ENTPD4: variants seen among roughly 807,000 people sequenced by gnomAD.
The protein encoded by ENTPD4 is Golgi UDPase.
A neutral mutation model predicts 79.1 loss-of-function variants in ENTPD4; 60 were observed. That is an observed-to-expected ratio of 0.76 (90% CI 0.62 to 0.94). ENTPD4 has a LOEUF of 0.94. Ranked by LOEUF, ENTPD4 falls within the 40% of genes least tolerant of loss-of-function variation. ENTPD4 has a pLI of 0.00. For missense variants in ENTPD4, 772 were observed against 775.1 expected (o/e 1.00, Z 0.05); for synonymous variants, 276 against 292.0 (o/e 0.95, Z 0.56).
intron 1 of ENTPD4, among the ~76,000 whole-genome samples, chr8:23,453,123 C>T (rs1800894900): frequency 6.6e-6 from 1 of 152,064 alleles, no homozygotes; most frequent in Admixed American, 6.6e-5. Context: ...AACATACACA[C>T]AAAGATATTA....
At chr8:23,437,577 G>C (rs1293777130) in intron 9 of ENTPD4, among the ~76,000 whole-genome samples, 2 of 152,202 alleles carry the variant, frequency 1.3e-5, no homozygotes, top group African/African-American at 4.8e-5. Flanking sequence ...TGTGTTACCA[G>C]CCCCATTTTT....
chr8:23,454,788 A>G (rs1229946911), intron 1 of ENTPD4, among the ~76,000 whole-genome samples: 1 of 152,244 alleles, frequency 6.6e-6, no homozygotes, highest in African/African-American at 2.4e-5. Flanking sequence ...CTTGTGTTTA[A>G]AAGCAGAGAA....
chr8:23,435,946 T>C (rs965798402), intron 10 of ENTPD4, among the ~76,000 whole-genome samples: 38 of 152,184 alleles, frequency 2.5e-4, no homozygotes, highest in African/African-American at 8.4e-4. Flanking sequence ...ATAACTTTTA[T>C]TGAGCATTGT....
In ENTPD4 at chr8:23,432,823, C is replaced by T. The variant is rs1375067414; in HGVS notation, c.*103G>A. On this transcript the variant is annotated 3_prime_UTR_variant, in exon 13 of 13. Transcript: ENST00000358689. ...TGCATTTTGTTTTTGTTTGGAGGAA[C>T]AAAAAAGGGAAAGAAAAAACAAAAC... The T allele has an allele frequency of 1.7e-5, 24 of 1,447,952 alleles. No individual in the cohort carries two copies. The East Asian group carries it at 5.2e-4, about 32-fold the overall frequency. 89.7% of individuals were successfully genotyped at this position (1,447,952 alleles called of 1,614,324 possible).
At chr8:23,450,105 T>C (rs888028156) in intron 1 of ENTPD4, 108 bp from the exon 2 acceptor site, 2 of 617,258 alleles carry the variant, frequency 3.2e-6, no homozygotes, top group Non-Finnish European at 2.9e-6. Flanking sequence ...TACATGATCC[T>C]TGCACTGAAG....
intron 10 of ENTPD4, among the ~76,000 whole-genome samples, 198 bp downstream of exon 10, chr8:23,436,736 T>A (rs1800568382): frequency 6.6e-6 from 1 of 152,152 alleles, no homozygotes; most frequent in African/African-American, 2.4e-5. Flanking sequence ...GGTGCAGAAG[T>A]CAGCGTACAG....
chr8:23,432,781 A>C lies in ENTPD4; in HGVS notation c.*145T>G. 1 of 1,432,562 alleles carries C rather than the reference A, an allele frequency of 7.0e-7. No homozygotes were observed. The allele number at this position is 1,432,562 out of a possible 1,614,324, so 88.7% of individuals were successfully genotyped here. On this transcript the variant is annotated 3_prime_UTR_variant, in exon 13 of 13. Transcript: ENST00000358689. ...CCAAAGTGCTGGGATTACAGGCGTG[A>C]GCCACCGCGCTCGGCCTGCATTTTG...
intron 1 of ENTPD4, among the ~76,000 whole-genome samples, chr8:23,451,902 T>C (rs1045469523): frequency 2.0e-5 from 3 of 152,242 alleles, no homozygotes; most frequent in South Asian, 2.1e-4. Context: ...CCTTCCCTGA[T>C]TGATCTTTTC....
chr8:23,432,986 C>T lies in ENTPD4; in HGVS notation c.1791G>A (p.Ser597=), dbSNP rs367984909. 3.3e-5 allele frequency: 53 copies of T among 1,613,648 alleles called. No individual in the cohort carries two copies. Among genetic ancestry groups the T allele is most frequent in the Middle Eastern group, 3.3e-4 (2 of 6,060 alleles). ...CCTCCTCCATCCAGAGGGCGGCGGCCGAGCTGCTCCGGGGAGTGCGCCTGT... is the reference window on the plus strand; with the variant it reads ...CCTCCTCCATCCAGAGGGCGGCGGCTGAGCTGCTCCGGGGAGTGCGCCTGT... ...RIHRRTPRSS[S]AAALWMEEGL... Residue 597 remains serine (S), a synonymous_variant, in exon 13 of 13, where the codon TCG becomes TCA. Coordinates refer to ENST00000358689, the MANE Select transcript of ENTPD4 (RefSeq NM_004901.5).
Position 23,432,819 on chromosome 8 carries a change from G to A in ENTPD4, c.*107C>T. ...GGCCTGCATTTTGTTTTTGTTTGGAGGAACAAAAAAGGGAAAGAAAAAACA... is the reference window on the plus strand; with the variant it reads ...GGCCTGCATTTTGTTTTTGTTTGGAAGAACAAAAAAGGGAAAGAAAAAACA... On this transcript the variant is annotated 3_prime_UTR_variant, in exon 13 of 13. Transcript: ENST00000358689. 6.9e-7 allele frequency: 1 copy of A among 1,447,274 alleles called. No homozygotes were observed. The highest frequency in any genetic ancestry group is 9.1e-7 in the Non-Finnish European group (1 of 1,101,322). The allele number at this position is 1,447,274 out of a possible 1,614,324, so 89.7% of individuals were successfully genotyped here.
In ENTPD4 at chr8:23,431,730, T is replaced by G; in HGVS notation, c.*1196A>C. ...ACACCAATTGGAAGCTGGAAGAAAC[T>G]GAGGCACGATTAAGCAGAAACACTG... On this transcript the variant is annotated 3_prime_UTR_variant, in exon 13 of 13. Transcript: ENST00000358689. The G allele has an allele frequency of 1.0e-6, 1 of 985,502 alleles. No homozygotes were observed. Among genetic ancestry groups the G allele is most frequent in the Non-Finnish European group, 1.2e-6 (1 of 830,030 alleles). 61.0% of individuals were successfully genotyped at this position (985,502 alleles called of 1,614,324 possible). A position where few individuals can be genotyped will look rare whatever the true frequency, so the allele number is the denominator to read the frequency against.
intron 1 of ENTPD4, among the ~76,000 whole-genome samples, chr8:23,452,914 T>C (rs979379986): frequency 4.6e-5 from 7 of 152,220 alleles, no homozygotes; most frequent in Admixed American, 4.6e-4. Context: ...ATACGTGTGG[T>C]TGGCTTCCTC....
rs2272641 is a variant in ENTPD4 at position 23,437,248 on chromosome 8, T to C, written c.1060A>G (p.Lys354Glu). 126,882 of 1,591,938 alleles carry C rather than the reference T, an allele frequency of 0.08. 7,433 individuals are homozygous for C. Among genetic ancestry groups the C allele is most frequent in the East Asian group, 0.28 (12,329 of 44,626 alleles). ...ATATCAGGAGTCAGACCAGTCTGTT[T>C]ACCCAGGAGCCTATGGCAAAACAAG... is the stretch of plus-strand genomic sequence containing the variant. ...NTIQKNRLLG[K>E]QTGLTPDMPY... The change falls in exon 10 of 13, where the codon AAA becomes GAA. Residue 354 changes from lysine (K) to glutamate (E), a missense_variant. Physicochemically the swap from Lys to Glu is moderately conservative, Grantham distance 56. Coordinates refer to ENST00000358689, the MANE Select transcript of ENTPD4 (RefSeq NM_004901.5).
At chr8:23,440,427 G>C (rs1800648106) in intron 8 of ENTPD4, among the ~76,000 whole-genome samples, 3 of 151,980 alleles carry the variant, frequency 2.0e-5, no homozygotes, top group Admixed American at 2.0e-4. Context: ...GAAAAAAAAA[G>C]AAATTCACTA....
chr8:23,451,978 A>T (rs1800870361), intron 1 of ENTPD4, among the ~76,000 whole-genome samples: 1 of 152,184 alleles, frequency 6.6e-6, no homozygotes, highest in Non-Finnish European at 1.5e-5. Context: ...CCTTGTTCCA[A>T]ACATTGTACA....
intron 8 of ENTPD4, 140 bp downstream of exon 8, chr8:23,441,429 C>T: frequency 6.8e-7 from 1 of 1,473,566 alleles, no homozygotes; most frequent in Non-Finnish European, 9.0e-7. Flanking sequence ...TTCGTCCTGT[C>T]TCCTTTCTCC....
intron 10 of ENTPD4, among the ~76,000 whole-genome samples, chr8:23,435,839 A>G (rs1343450360): frequency 6.6e-6 from 1 of 152,240 alleles, no homozygotes; most frequent in Non-Finnish European, 1.5e-5. Flanking sequence ...ACATCTGTGG[A>G]GGACACAGTA....
At chr8:23,436,053 T>C (rs1218966276) in intron 10 of ENTPD4, among the ~76,000 whole-genome samples, 6 of 152,110 alleles carry the variant, frequency 3.9e-5, no homozygotes, top group African/African-American at 9.7e-5. Flanking sequence ...AGGTGGGAGA[T>C]GGGCCTGGGT....
chr8:23,436,798 A>C, intron 10 of ENTPD4, 136 bp downstream of exon 10: 1 of 735,296 alleles, frequency 1.4e-6, no homozygotes, highest in Non-Finnish European at 2.3e-6. Flanking sequence ...AGCAAAGGGA[A>C]CAGGATCCCA....
Sources: allele counts gnomAD v4.1 joint callset (sites outside exome capture counted in the v4.1 genomes callset), GRCh38; gene constraint gnomAD v4.1.1; transcripts MANE v1.5; gene names NCBI Gene and HGNC (gene_info 2026-07-23, HGNC 2026-07-21).